Variants in SULF1 observed in about 807,000 individuals in gnomAD.
The protein encoded by SULF1 is extracellular sulfatase Sulf-1.
A neutral mutation model predicts 110.5 loss-of-function variants in SULF1; 46 were observed. The ratio of observed to expected loss-of-function variants is 0.42; its 90% CI spans 0.33 to 0.53. The LOEUF (loss-of-function observed/expected upper bound fraction) is 0.53, where lower values mean the gene tolerates loss of function less well. SULF1 is among the 20% of genes least tolerant of loss of function. The pLI, the probability that SULF1 is intolerant of heterozygous loss-of-function variation, is 0.12. For missense variants in SULF1, 941 were observed against 1,094.2 expected (o/e 0.86, Z 1.98); for synonymous variants, 371 against 387.1 (o/e 0.96, Z 0.49).
At chr8:69,503,558 A>G (rs187981277) in intron 3 of SULF1, among the ~76,000 whole-genome samples, 3 of 152,338 alleles carry the variant, frequency 2.0e-5, no homozygotes, top group African/African-American at 7.2e-5. Context: ...TATCTCTTGA[A>G]TCAGGTTGTG....
intron 5 of SULF1, among the ~76,000 whole-genome samples, chr8:69,565,403 C>G (rs889068028): frequency 6.6e-6 from 1 of 152,134 alleles, no homozygotes; most frequent in African/African-American, 2.4e-5. Context: ...CCTTGTGGGT[C>G]CATTTCAAGT....
chr8:69,555,792 C>T (rs529090339), intron 3 of SULF1, among the ~76,000 whole-genome samples: 14 of 152,144 alleles, frequency 9.2e-5, no homozygotes, highest in Admixed American at 2.6e-4. Context: ...ATTTATGTTT[C>T]GAAACCATTT....
chr8:69,567,383 T>C (rs1337221204), intron 5 of SULF1, among the ~76,000 whole-genome samples: 1 of 152,186 alleles, frequency 6.6e-6, no homozygotes, highest in Admixed American at 6.5e-5. Context: ...CATTTTTAAG[T>C]GTACAATTCA....
Position 69,537,895 on chromosome 8 carries a change from A to G in SULF1, c.-133-25644A>G, listed in dbSNP as rs144202334. On this transcript the variant is annotated intron_variant, in intron 3 of 22. Transcript: ENST00000402687. ...CTGAAACAGAAGAAAAAGAGAAAAC[A>G]GAAAAATAAAAATAGAATAGAAAAT... Among the ~76,000 whole-genome samples, 5 of 148,422 alleles carry G rather than the reference A, an allele frequency of 3.4e-5. No individual in the cohort carries two copies. In the East Asian group the frequency reaches 6.0e-4, roughly 18 times the overall value.
At chr8:69,529,716 T>A (rs779403555) in intron 3 of SULF1, among the ~76,000 whole-genome samples, 17 of 152,204 alleles carry the variant, frequency 1.1e-4, no homozygotes, top group South Asian at 4.1e-4. Flanking sequence ...TGGCTGCTAA[T>A]TGGAGGCCTC....
intron 3 of SULF1, among the ~76,000 whole-genome samples, chr8:69,556,363 T>C (rs193145310): frequency 9.2e-5 from 14 of 152,292 alleles, no homozygotes; most frequent in Admixed American, 3.9e-4. Context: ...CCTGAAAAGC[T>C]CCTGCACAAT....
chr8:69,634,925 A>G (rs1354603459), intron 19 of SULF1, among the ~76,000 whole-genome samples: 1 of 152,134 alleles, frequency 6.6e-6, no homozygotes, highest in Non-Finnish European at 1.5e-5. Flanking sequence ...CTCCTGCCTC[A>G]GCTGGGATTA....
At chr8:69,588,508 G>A (rs186098307) in intron 7 of SULF1, among the ~76,000 whole-genome samples, 18 of 152,196 alleles carry the variant, frequency 1.2e-4, no homozygotes, top group South Asian at 6.2e-4. Context: ...GTGTGTGAGC[G>A]TGTGTGTATG....
chr8:69,633,782 T>G (rs749601254), intron 19 of SULF1, among the ~76,000 whole-genome samples: 48 of 152,108 alleles, frequency 3.2e-4, no homozygotes, highest in Non-Finnish European at 5.7e-4. Context: ...GTCATCTACG[T>G]TAGGTATTTT....
chr8:69,559,460 T>C (rs544021100), intron 3 of SULF1, among the ~76,000 whole-genome samples: 1 of 152,212 alleles, frequency 6.6e-6, no homozygotes, highest in Non-Finnish European at 1.5e-5. Flanking sequence ...AGAAAAAGTT[T>C]TACTTATTGG....
intron 3 of SULF1, among the ~76,000 whole-genome samples, chr8:69,511,161 T>C (rs558402524): frequency 5.3e-5 from 8 of 152,332 alleles, no homozygotes; most frequent in Admixed American, 1.3e-4. Context: ...GTGACACTTA[T>C]TGAGAAAACC....
chr8:69,527,153 G>A (rs1168603524), intron 3 of SULF1, among the ~76,000 whole-genome samples: 1 of 152,094 alleles, frequency 6.6e-6, no homozygotes, highest in Non-Finnish European at 1.5e-5. Context: ...TCCAAGGCAG[G>A]CAGAGTATAC....
At chr8:69,611,018 T>C (rs1021173802) in intron 13 of SULF1, among the ~76,000 whole-genome samples, 1 of 152,280 alleles carries the variant, frequency 6.6e-6, no homozygotes, top group African/African-American at 2.4e-5. Context: ...ACTGCCTTCG[T>C]ACCATTCTCC....
rs545642138 is a variant in SULF1 at position 69,608,272 on chromosome 8, A to G, written c.1377+3340A>G. 4.6e-5 allele frequency among the ~76,000 whole-genome samples: 7 copies of G among 152,344 alleles called. No individual in the cohort carries two copies. In the South Asian group the frequency reaches 1.2e-3, roughly 27 times the overall value. ...TTGTGAGGATTAAGTGATATTATAC[A>G]TGTAATGTACTAAAGTGAGACTGAG... On this transcript the variant is annotated intron_variant, in intron 13 of 22. Coordinates refer to ENST00000402687, the MANE Select transcript of SULF1 (RefSeq NM_001128205.2).
chr8:69,619,695 G>C (rs1809453779), intron 13 of SULF1, among the ~76,000 whole-genome samples: 1 of 152,214 alleles, frequency 6.6e-6, no homozygotes, highest in South Asian at 2.1e-4. Flanking sequence ...AAACTGCAGA[G>C]TTCCCTGATC....
rs138290936 is a variant in SULF1 at position 69,499,155 on chromosome 8, G to C, written c.-228-2719G>C. On this transcript the variant is annotated intron_variant, in intron 2 of 22. Coordinates refer to ENST00000402687, the MANE Select transcript of SULF1 (RefSeq NM_001128205.2). ...ATTACAGGCATGAGCCACTGCAACG[G>C]GTCCCAGACTTACATTATTATCTAT... Among the ~76,000 whole-genome samples, 93 of 152,192 alleles carry C rather than the reference G, an allele frequency of 6.1e-4. 1 individual carries two copies. Among genetic ancestry groups the C allele is most frequent in the African/African-American group, 2.0e-3 (84 of 41,508 alleles).
chr8:69,620,946 A>C lies in SULF1; in HGVS notation c.1378-89A>C, dbSNP rs552165461. 523 of 1,160,046 alleles carry C rather than the reference A, an allele frequency of 4.5e-4. 2 individuals are homozygous for C. Among genetic ancestry groups the C allele is most frequent in the Non-Finnish European group, 5.7e-4 (472 of 830,570 alleles). The allele number at this position is 1,160,046 out of a possible 1,614,324, so 71.9% of individuals were successfully genotyped here. A position where few individuals can be genotyped will look rare whatever the true frequency, so the allele number is the denominator to read the frequency against. Reference sequence around the variant, plus strand: ...TGATATTGCCAGTGCTTCTAAAAAAAAGAAAAAAGAAAAAAACTAAGGCAG... The same window carrying C: ...TGATATTGCCAGTGCTTCTAAAAAACAGAAAAAAGAAAAAAACTAAGGCAG... On this transcript the variant is annotated intron_variant, in intron 13 of 22. Coordinates refer to ENST00000402687, the MANE Select transcript of SULF1 (RefSeq NM_001128205.2).
intron 3 of SULF1, among the ~76,000 whole-genome samples, chr8:69,538,099 C>A (rs1170175286): frequency 6.6e-6 from 1 of 151,864 alleles, no homozygotes; most frequent in Non-Finnish European, 1.5e-5. Flanking sequence ...GTAGCTGGGA[C>A]TACAGGCACC....
chr8:69,636,259 G>A (rs561194645), intron 19 of SULF1, among the ~76,000 whole-genome samples: 66 of 152,252 alleles, frequency 4.3e-4, no homozygotes, highest in South Asian at 4.2e-3. Flanking sequence ...GTTTCAGACC[G>A]GGCGCGGTGG....
Sources: allele counts gnomAD v4.1 joint callset (sites outside exome capture counted in the v4.1 genomes callset), GRCh38; gene constraint gnomAD v4.1.1; transcripts MANE v1.5; gene names NCBI Gene and HGNC (gene_info 2026-07-23, HGNC 2026-07-21).